FRA10AC1: variants seen among roughly 807,000 people sequenced by gnomAD.
The protein encoded by FRA10AC1 is protein FRA10AC1.
A neutral mutation model predicts 56.5 loss-of-function variants in FRA10AC1; 43 were observed. The ratio of observed to expected loss-of-function variants is 0.76; its 90% confidence interval spans 0.60 to 0.98. The LOEUF (loss-of-function observed/expected upper bound fraction) is 0.98. FRA10AC1 is among the 50% of genes least tolerant of loss of function. The pLI is 0.00. For missense variants in FRA10AC1, 346 were observed against 351.8 expected, an observed-to-expected ratio of 0.98 and a Z score of 0.13; for synonymous variants, 112 against 110.5, an observed-to-expected ratio of 1.01 and a Z score of -0.09.
chr10:93,693,501 T>C (rs111948890), intron 5 of FRA10AC1, among the ~76,000 whole-genome samples: 11 of 39,842 alleles, frequency 2.8e-4, no homozygotes, highest in African/African-American at 5.5e-4. Context: ...TATATATATA[T>C]ATATATACAC....
At chr10:93,678,586 T>C (rs1589716718) in intron 11 of FRA10AC1, among the ~76,000 whole-genome samples, 1 of 152,228 alleles carries the variant, frequency 6.6e-6, no homozygotes, top group East Asian at 1.9e-4. Context: ...ATCCCAGCAC[T>C]TTGGGGGGCC....
At position 93,670,859 on chromosome 10, in the gene FRA10AC1, A is replaced by T. The variant is rs2058749696; in HGVS notation, c.827-11T>A. On this transcript the variant is annotated splice_polypyrimidine_tract_variant and intron_variant, in intron 12 of 13. Coordinates refer to ENST00000359204, the MANE Select transcript of FRA10AC1 (RefSeq NM_145246.5). ...CCTCATCAGAGTTTCCTGTTCATTT[A>T]AAAAAGATGATTTTTAAAAACCTAT... The T allele has an allele frequency of 1.3e-6, 2 of 1,589,888 alleles. No individual in the cohort carries two copies. The highest frequency in any genetic ancestry group is 8.6e-7 in the Non-Finnish European group (1 of 1,159,906).
chr10:93,673,373 C>G, intron 12 of FRA10AC1: 2 of 456,516 alleles, frequency 4.4e-6, no homozygotes, highest in Non-Finnish European at 8.8e-6. Context: ...CTCCAACATT[C>G]TTCCTACAAT....
At position 93,702,522 on chromosome 10, in the gene FRA10AC1, A is replaced by ACCACCGCCGCCGCCGCCGCCGCGCCG. The variant is rs60832838; in HGVS notation, c.-149_-148insCGGCGCGGCGGCGGCGGCGGCGGTGG. The ACCACCGCCGCCGCCGCCGCCGCGCCG allele has an allele frequency of 4.7e-6, 1 of 211,550 alleles. No homozygotes were observed. Among genetic ancestry groups the ACCACCGCCGCCGCCGCCGCCGCGCCG allele is most frequent in the Non-Finnish European group, 9.3e-6 (1 of 107,802 alleles). 13.1% of individuals were successfully genotyped at this position (211,550 alleles called of 1,614,324 possible). A position where few individuals can be genotyped will look rare whatever the true frequency, so the allele number is the denominator to read the frequency against. On this transcript the variant is annotated 5_prime_UTR_variant, in exon 1 of 14. Transcript: ENST00000359204. Reference sequence around the variant, plus strand: ...GCCGCACAGCCTCGCCACAACCACCACCGCCGCCGCCGCCGCCGCCGCCGC... The same window carrying ACCACCGCCGCCGCCGCCGCCGCGCCG: ...GCCGCACAGCCTCGCCACAACCACCACCACCGCCGCCGCCGCCGCCGCGCCGCCGCCGCCGCCGCCGCCGCCGCCGC...
chr10:93,699,174 T>A (rs1171608269), intron 2 of FRA10AC1, among the ~76,000 whole-genome samples: 2 of 152,242 alleles, frequency 1.3e-5, no homozygotes, highest in African/African-American at 4.8e-5. Flanking sequence ...ATTCTATTCT[T>A]ACAAAGTAGT....
Position 93,669,317 on chromosome 10 carries a change from C to T in FRA10AC1, c.*509G>A, listed in dbSNP as rs949126013. ...GAGCATGGTGGCTCACACCTGTAAT[C>T]CCAGCACTCTGGGAGGCCAGGGTGG... is the stretch of plus-strand genomic sequence containing the variant. On this transcript the variant is annotated 3_prime_UTR_variant, in exon 14 of 14. Coordinates refer to ENST00000359204, the MANE Select transcript of FRA10AC1 (RefSeq NM_145246.5). 1 of 151,234 alleles carries T rather than the reference C, an allele frequency of 6.6e-6. No homozygotes were observed. The highest frequency in any genetic ancestry group is 1.5e-5 in the Non-Finnish European group (1 of 68,350). The allele number at this position is 151,234 out of a possible 1,614,324, so 9.4% of individuals were successfully genotyped here.
chr10:93,687,514 A>G, intron 7 of FRA10AC1, 65 bp from the exon 8 acceptor site: 1 of 1,352,568 alleles, frequency 7.4e-7, no homozygotes, highest in Non-Finnish European at 9.9e-7. Flanking sequence ...CTAAACATGG[A>G]GCCAACAATG....
chr10:93,688,336 T>A (rs189659946), intron 7 of FRA10AC1, among the ~76,000 whole-genome samples: 18 of 152,236 alleles, frequency 1.2e-4, no homozygotes, highest in African/African-American at 3.4e-4. Flanking sequence ...AGATCAGTAG[T>A]TGCCAGGGAT....
intron 10 of FRA10AC1, among the ~76,000 whole-genome samples, chr10:93,683,128 A>G (rs540538842): frequency 3.9e-5 from 6 of 152,310 alleles, no homozygotes; most frequent in African/African-American, 1.4e-4. Context: ...CTTTACATGC[A>G]CTTTCATTTA....
At chr10:93,690,674 A>C (rs920517495) in intron 7 of FRA10AC1, among the ~76,000 whole-genome samples, 2 of 152,170 alleles carry the variant, frequency 1.3e-5, no homozygotes, top group African/African-American at 4.8e-5. Context: ...AGGGCTGAAA[A>C]ATCTCCTTTG....
At chr10:93,694,959 A>G (rs777579539) in intron 4 of FRA10AC1, 22 bp from the exon 5 acceptor site, 3 of 1,258,752 alleles carry the variant, frequency 2.4e-6, no homozygotes, top group South Asian at 1.2e-5. Context: ...AAAATTAAGG[A>G]TTTTATTCTC....
At chr10:93,678,597 A>G (rs976375891) in intron 11 of FRA10AC1, among the ~76,000 whole-genome samples, 1 of 152,124 alleles carries the variant, frequency 6.6e-6, no homozygotes, top group African/African-American at 2.4e-5. Context: ...TTGGGGGGCC[A>G]AGGTGAGAGA....
intron 11 of FRA10AC1, among the ~76,000 whole-genome samples, chr10:93,678,760 C>T (rs1887032): frequency 0.023 from 3,544 of 151,548 alleles, 148 homozygotes; most frequent in Admixed American, 0.11. Flanking sequence ...CATGGGCCTC[C>T]GAGGTTAAGC....
At chr10:93,670,946 T>C (rs2058751354) in intron 12 of FRA10AC1, 98 bp from the exon 13 acceptor site, 1 of 715,036 alleles carries the variant, frequency 1.4e-6, no homozygotes, top group African/African-American at 1.8e-5. Context: ...TAACTCAGCT[T>C]CAACTTTTAT....
At chr10:93,696,704 CA>C (rs2133941226) in intron 4 of FRA10AC1, among the ~76,000 whole-genome samples, 1 of 152,248 alleles carries the variant, frequency 6.6e-6, no homozygotes, top group East Asian at 1.9e-4. Context: ...GGAACCAATC[CA>C]AATGTCCATC....
intron 2 of FRA10AC1, among the ~76,000 whole-genome samples, chr10:93,699,366 T>A (rs1486884627): frequency 6.6e-6 from 1 of 152,136 alleles, no homozygotes; most frequent in African/African-American, 2.4e-5. Flanking sequence ...CTTAAAAAAA[T>A]CAGTCAACAG....
chr10:93,700,429 T>C (rs548671022), intron 1 of FRA10AC1, among the ~76,000 whole-genome samples: 1 of 152,340 alleles, frequency 6.6e-6, no homozygotes, highest in South Asian at 2.1e-4. Flanking sequence ...CCTTCACTTT[T>C]GATTCAGAGT....
chr10:93,685,226 A>G lies in FRA10AC1; in HGVS notation c.625+20T>C. ...ACAAACTTGGAAGAATCAATCATAT[A>G]CCCCCTAAAATCAACTTACTTAATT... On this transcript the variant is annotated intron_variant, in intron 9 of 13. Transcript: ENST00000359204. 2 of 1,009,036 alleles carry G rather than the reference A, an allele frequency of 2.0e-6. No homozygotes were observed. Among genetic ancestry groups the G allele is most frequent in the Non-Finnish European group, 3.1e-6 (2 of 640,856 alleles). 62.5% of individuals were successfully genotyped at this position (1,009,036 alleles called of 1,614,324 possible). A position where few individuals can be genotyped will look rare whatever the true frequency, so the allele number is the denominator to read the frequency against.
Position 93,693,497 on chromosome 10 carries a change from TATATATATATAC to T in FRA10AC1, c.297-780_297-769del, listed in dbSNP as rs71031528. On this transcript the variant is annotated intron_variant, in intron 5 of 13. Coordinates refer to ENST00000359204, the MANE Select transcript of FRA10AC1 (RefSeq NM_145246.5). ...TGGTGTGTGTGTATATATATATATA[TATATATATATAC>T]ACCATATATATATATATACACCATA... Among the ~76,000 whole-genome samples the T allele has an allele frequency of 7.7e-4, 42 of 54,862 alleles. 2 individuals are homozygous for T. Among genetic ancestry groups the T allele is most frequent in the Non-Finnish European group, 9.3e-4 (20 of 21,458 alleles). The allele number at this position is 54,862 out of a possible 152,430, so 36.0% of individuals were successfully genotyped here.
Sources: allele counts gnomAD v4.1 joint callset (sites outside exome capture counted in the v4.1 genomes callset), GRCh38; gene constraint gnomAD v4.1.1; transcripts MANE v1.5; gene names NCBI Gene and HGNC (gene_info 2026-07-23, HGNC 2026-07-21).